Variants in UHMK1 observed in about 807,000 individuals in gnomAD.
UHMK1 encodes U2AF homology motif kinase 1, also known as serine/threonine-protein kinase Kist.
A neutral mutation model predicts 44.0 loss-of-function variants in UHMK1; 18 were observed. The ratio of observed to expected loss-of-function variants is 0.41; its 90% CI spans 0.28 to 0.61. The LOEUF (loss-of-function observed/expected upper bound fraction) is 0.61, where lower values mean the gene tolerates loss of function less well. Among genes scored for constraint, UHMK1 ranks in the 20% least tolerant of loss-of-function variants. The pLI is 0.31. For synonymous variants in UHMK1, 231 were observed against 198.5 expected (o/e 1.16, Z -1.38); for missense variants, 463 against 522.5 (o/e 0.89, Z 1.11).
chr1:162,513,194 C>T, intron 6 of UHMK1: 1 of 212,928 alleles, frequency 4.7e-6, no homozygotes, highest in Non-Finnish European at 9.7e-6. Flanking sequence ...CCAACCTCAG[C>T]CTCTCAAAGT....
At chr1:162,506,735 C>T (rs1277556105) in intron 4 of UHMK1, among the ~76,000 whole-genome samples, 2 of 152,106 alleles carry the variant, frequency 1.3e-5, no homozygotes, top group Admixed American at 1.3e-4. Context: ...CCTGGTGGCA[C>T]GTGCCTATAA....
chr1:162,514,337 T>A (rs1651766543), intron 6 of UHMK1, among the ~76,000 whole-genome samples: 1 of 151,858 alleles, frequency 6.6e-6, no homozygotes, highest in South Asian at 2.1e-4. Context: ...TGTCTCTCAC[T>A]TACTAGCTTC....
At chr1:162,500,892 A>T (rs1361752079) in intron 2 of UHMK1, 21 bp from the exon 3 acceptor site, 7 of 1,603,250 alleles carry the variant, frequency 4.4e-6, no homozygotes, top group Non-Finnish European at 6.0e-6. Context: ...ATTGGTTGTA[A>T]TATTTACTCA....
At chr1:162,514,614 G>A (rs1237702034) in intron 6 of UHMK1, among the ~76,000 whole-genome samples, 1 of 152,168 alleles carries the variant, frequency 6.6e-6, no homozygotes, top group Non-Finnish European at 1.5e-5. Context: ...AGGAAGGAAA[G>A]AAGGAAGGAG....
intron 4 of UHMK1, among the ~76,000 whole-genome samples, chr1:162,504,050 C>G (rs972231946): frequency 6.6e-6 from 1 of 152,144 alleles, no homozygotes; most frequent in African/African-American, 2.4e-5. Context: ...GCTGCCTTTT[C>G]ACTGGAAGAT....
At chr1:162,521,770 A>G (rs555627478) in intron 7 of UHMK1, among the ~76,000 whole-genome samples, 1 of 152,342 alleles carries the variant, frequency 6.6e-6, no homozygotes, top group East Asian at 1.9e-4. Flanking sequence ...CTGGGATTAC[A>G]GGTGTGTGCC....
rs896001667 is a variant in UHMK1 at position 162,528,315 on chromosome 1, A to G, written c.*5765A>G. 4 of 152,056 alleles carry G rather than the reference A, an allele frequency of 2.6e-5. No individual in the cohort carries two copies. Among genetic ancestry groups the G allele is most frequent in the South Asian group, 2.1e-4 (1 of 4,828 alleles). 9.4% of individuals were successfully genotyped at this position (152,056 alleles called of 1,614,324 possible). ...CTTACTGGTCTTAGTAATCTTCTATATAGTTAATGAGCTAAAAAATGATAC... is the reference window on the plus strand; with the variant it reads ...CTTACTGGTCTTAGTAATCTTCTATGTAGTTAATGAGCTAAAAAATGATAC... On this transcript the variant is annotated 3_prime_UTR_variant, in exon 8 of 8. Coordinates refer to ENST00000489294, the MANE Select transcript of UHMK1 (RefSeq NM_175866.5).
chr1:162,522,611 T>C lies in UHMK1; in HGVS notation c.*61T>C, dbSNP rs754301467. ...TCCATTTCTTGGGTTATTCCACATA[T>C]GAATGCAGGACTACCCCCTTACCAT... is the stretch of plus-strand genomic sequence containing the variant. On this transcript the variant is annotated 3_prime_UTR_variant, in exon 8 of 8. Transcript: ENST00000489294. 48 of 1,545,474 alleles carry C rather than the reference T, an allele frequency of 3.1e-5. No individual in the cohort carries two copies. Among genetic ancestry groups the C allele is most frequent in the Non-Finnish European group, 4.2e-5 (48 of 1,130,612 alleles).
Position 162,528,945 on chromosome 1 carries a change from A to T in UHMK1, c.*6395A>T, listed in dbSNP as rs1652347726. On this transcript the variant is annotated 3_prime_UTR_variant, in exon 8 of 8. Transcript: ENST00000489294. ...TTAATGGTTGATGGCATCCTGTGTC[A>T]GCTGGAGTAGTTGGTTGTGAATATT... The T allele has an allele frequency of 6.6e-6, 1 of 152,120 alleles. No individual in the cohort carries two copies. The highest frequency in any genetic ancestry group is 2.1e-4 in the South Asian group (1 of 4,830). 9.4% of individuals were successfully genotyped at this position (152,120 alleles called of 1,614,324 possible). A position where few individuals can be genotyped will look rare whatever the true frequency, so the allele number is the denominator to read the frequency against.
rs1652266175 is a variant in UHMK1 at position 162,526,779 on chromosome 1, A to G, written c.*4229A>G. ...TATTCCAATATTATATATGATGGAA[A>G]AGCCAGAATTGTCTGGCAGAATTTA... On this transcript the variant is annotated 3_prime_UTR_variant, in exon 8 of 8. Coordinates refer to ENST00000489294, the MANE Select transcript of UHMK1 (RefSeq NM_175866.5). 6.6e-6 allele frequency: 1 copy of G among 152,160 alleles called. No individual in the cohort carries two copies. The highest frequency in any genetic ancestry group is 2.4e-5 in the African/African-American group (1 of 41,450). 9.4% of individuals were successfully genotyped at this position (152,160 alleles called of 1,614,324 possible).
intron 7 of UHMK1, among the ~76,000 whole-genome samples, chr1:162,521,834 C>G (rs576606939): frequency 6.6e-6 from 1 of 152,112 alleles, no homozygotes; most frequent in African/African-American, 2.4e-5. Context: ...TCACCGTGTT[C>G]GTCAGGCTGA....
Position 162,529,372 on chromosome 1 carries a change from T to TA in UHMK1, c.*6825dup. On this transcript the variant is annotated 3_prime_UTR_variant, in exon 8 of 8. Coordinates refer to ENST00000489294, the MANE Select transcript of UHMK1 (RefSeq NM_175866.5). ...ATTTCTGATTTCCATTCAAGTCTTT[T>TA]AAACTCTTTCCTGCTGAATAGCAAA... 1 of 152,334 alleles carries TA rather than the reference T, an allele frequency of 6.6e-6. No homozygotes were observed. The highest frequency in any genetic ancestry group is 6.5e-5 in the Admixed American group (1 of 15,304). The allele number at this position is 152,334 out of a possible 1,614,324, so 9.4% of individuals were successfully genotyped here.
intron 7 of UHMK1, among the ~76,000 whole-genome samples, chr1:162,522,026 A>G (rs1652077359): frequency 6.6e-6 from 1 of 151,542 alleles, no homozygotes; most frequent in East Asian, 1.9e-4. Flanking sequence ...GGTACCATTG[A>G]AATGCAGTTG....
At chr1:162,514,948 A>G (rs1259936868) in intron 6 of UHMK1, among the ~76,000 whole-genome samples, 1 of 152,174 alleles carries the variant, frequency 6.6e-6, no homozygotes, top group African/African-American at 2.4e-5. Context: ...TGTTTTCTGT[A>G]TATGTCCTTC....
rs1255661397 is a variant in UHMK1 at position 162,525,101 on chromosome 1, C to T, written c.*2551C>T. 1.3e-5 allele frequency: 2 copies of T among 152,200 alleles called. No individual in the cohort carries two copies. The highest frequency in any genetic ancestry group is 2.9e-5 in the Non-Finnish European group (2 of 68,022). The allele number at this position is 152,200 out of a possible 1,614,324, so 9.4% of individuals were successfully genotyped here. Reference sequence around the variant, plus strand: ...AGCCAGAGAATTGAAAAAGAAATGCCTCCTGTGATTGAAATTATTTTATAG... The same window carrying T: ...AGCCAGAGAATTGAAAAAGAAATGCTTCCTGTGATTGAAATTATTTTATAG... On this transcript the variant is annotated 3_prime_UTR_variant, in exon 8 of 8. Transcript: ENST00000489294.
Position 162,522,625 on chromosome 1 carries a change from C to T in UHMK1, c.*75C>T. The T allele has an allele frequency of 1.4e-6, 2 of 1,447,302 alleles. No individual in the cohort carries two copies. Among genetic ancestry groups the T allele is most frequent in the South Asian group, 2.6e-5 (2 of 77,718 alleles). The allele number at this position is 1,447,302 out of a possible 1,614,324, so 89.7% of individuals were successfully genotyped here. On this transcript the variant is annotated 3_prime_UTR_variant, in exon 8 of 8. Transcript: ENST00000489294. ...TATTCCACATATGAATGCAGGACTA[C>T]CCCCTTACCATTTTAAGAAGGTACT... is the stretch of plus-strand genomic sequence containing the variant.
In UHMK1 at chr1:162,524,999, A is replaced by AT. The variant is rs1409838204; in HGVS notation, c.*2451dup. ...AACCTCTGCCTCGCAGGTTTGAGCG[A>AT]TTCTCCTGTCTCAGCCTCCCCAGTA... is the stretch of plus-strand genomic sequence containing the variant. On this transcript the variant is annotated 3_prime_UTR_variant, in exon 8 of 8. Coordinates refer to ENST00000489294, the MANE Select transcript of UHMK1 (RefSeq NM_175866.5). The AT allele has an allele frequency of 4.6e-5, 7 of 152,136 alleles. No homozygotes were observed. The highest frequency in any genetic ancestry group is 7.3e-5 in the Non-Finnish European group (5 of 68,046). 9.4% of individuals were successfully genotyped at this position (152,136 alleles called of 1,614,324 possible).
rs537177104 is a variant in UHMK1 at position 162,523,645 on chromosome 1, A to G, written c.*1095A>G. 7.2e-5 allele frequency: 11 copies of G among 152,510 alleles called. No individual in the cohort carries two copies. In the South Asian group the frequency reaches 2.3e-3, roughly 32 times the overall value. The allele number at this position is 152,510 out of a possible 1,614,324, so 9.4% of individuals were successfully genotyped here. A position where few individuals can be genotyped will look rare whatever the true frequency, so the allele number is the denominator to read the frequency against. On this transcript the variant is annotated 3_prime_UTR_variant, in exon 8 of 8. Transcript: ENST00000489294. ...GTACAGTGAAGGGAAAAGAAAAAAA[A>G]TGGGCGAAGAGAGGGTGGAAAATAA...
intron 1 of UHMK1, among the ~76,000 whole-genome samples, chr1:162,499,042 C>A (rs1192150010): frequency 6.6e-6 from 1 of 152,122 alleles, no homozygotes; most frequent in Non-Finnish European, 1.5e-5. Flanking sequence ...TGGTCTGTTA[C>A]TATAACCTTG....
Sources: gnomAD v4.1 joint callset for allele counts (sites outside exome capture counted in the v4.1 genomes callset) on GRCh38, gnomAD v4.1.1 for gene constraint, MANE v1.5 for transcripts, NCBI Gene and HGNC (gene_info 2026-07-23, HGNC 2026-07-21) for gene names.